The following ZNF507 variants were observed in gnomAD, a reference collection of about 807,000 sequenced individuals.
The protein encoded by ZNF507 is zinc finger protein 507.
In ZNF507, 29 loss-of-function variants were observed where a neutral mutation model predicts 80.0. The observed-to-expected ratio is 0.36, with a 90% CI of 0.27 to 0.49. The LOEUF is 0.49. Among genes scored for constraint, ZNF507 ranks in the 20% least tolerant of loss-of-function variants. ZNF507 has a pLI of 0.98. For synonymous variants in ZNF507, 462 were observed against 422.5 expected, an observed-to-expected ratio of 1.09 and a Z score of -1.15; for missense variants, 1,081 against 1,152.2, an observed-to-expected ratio of 0.94 and a Z score of 0.90.
intron 5 of ZNF507, among the ~76,000 whole-genome samples, chr19:32,361,891 C>CCCTA (rs1967333568): frequency 7.6e-6 from 1 of 132,100 alleles, no homozygotes; most frequent in Admixed American, 7.9e-5. Flanking sequence ...TCCCCTCCCT[C>CCCTA]CCTCCCTCCC....
intron 5 of ZNF507, among the ~76,000 whole-genome samples, chr19:32,367,203 ACAGT>A (rs764564825): frequency 4.6e-5 from 7 of 152,156 alleles, no homozygotes; most frequent in Non-Finnish European, 7.3e-5. Flanking sequence ...GCTCTTCTTA[ACAGT>A]CAGATCTTGC....
intron 5 of ZNF507, among the ~76,000 whole-genome samples, chr19:32,362,098 C>T (rs771347945): frequency 2.0e-5 from 3 of 152,052 alleles, no homozygotes; most frequent in African/African-American, 4.8e-5. Flanking sequence ...GACGGGGTTT[C>T]GCCAGGTCTT....
rs1247640645 is a variant in ZNF507, at chr19:32,354,239, A to G, written c.1409A>G (p.Lys470Arg). Residue 470 changes from lysine to arginine, a missense_variant, in exon 3 of 7, where the codon AAA becomes AGA. Physicochemically the swap from Lys to Arg is conservative, Grantham distance 26. Transcript: ENST00000355898. The stretch of plus-strand genomic sequence containing the variant: ...GAGAAAAAAGACGAGTTAATGAATA[A>G]AGGCCTGGCTACTGATGAGAATGCC... ...SSEKKDELMN[K>R]GLATDENAPP... is the part of the protein sequence containing the mutation. 6.2e-7 allele frequency: 1 copy of G among 1,614,002 alleles called. No homozygotes were observed. The highest frequency in any genetic ancestry group is 8.5e-7 in the Non-Finnish European group (1 of 1,179,988).
chr19:32,349,026 C>G (rs147022543), intron 2 of ZNF507, among the ~76,000 whole-genome samples: 1 of 152,096 alleles, frequency 6.6e-6, no homozygotes, highest in African/African-American at 2.4e-5. Flanking sequence ...ATAAGCAAAC[C>G]ACAGCATAAT....
chr19:32,352,199 A>G (rs1808933174), intron 2 of ZNF507, among the ~76,000 whole-genome samples: 1 of 152,178 alleles, frequency 6.6e-6, no homozygotes, highest in Admixed American at 6.5e-5. Context: ...TAGGAACTAG[A>G]TTATTGCTTT....
At chr19:32,349,368 A>G (rs1173885379) in intron 2 of ZNF507, among the ~76,000 whole-genome samples, 3 of 151,998 alleles carry the variant, frequency 2.0e-5, no homozygotes, top group African/African-American at 7.2e-5. Flanking sequence ...CATGCTGCCC[A>G]TCCTTTGGGA....
chr19:32,368,835 A>G (rs967288542), intron 5 of ZNF507, among the ~76,000 whole-genome samples: 1 of 152,218 alleles, frequency 6.6e-6, no homozygotes, highest in African/African-American at 2.4e-5. Context: ...GATAAGCTCT[A>G]TTGCAAAATT....
Position 32,354,590 on chromosome 19 carries a change from TACTC to T in ZNF507, c.1763_1766del (p.Leu588ProfsTer6). The T allele has an allele frequency of 2.5e-6, 4 of 1,614,134 alleles. No homozygotes were observed. Among genetic ancestry groups the T allele is most frequent in the Non-Finnish European group, 3.4e-6 (4 of 1,180,016 alleles). On this transcript the variant is annotated frameshift_variant, in exon 3 of 7. Coordinates refer to ENST00000355898, the MANE Select transcript of ZNF507 (RefSeq NM_001136156.2). LOFTEE classifies it high-confidence loss of function. ...GTTAAGACAGGCATCAGCATGTCCTTACTCACCGTCATTGAAAAATTGAGAGAAA... is the reference window on the plus strand; with the variant it reads ...GTTAAGACAGGCATCAGCATGTCCTTACCGTCATTGAAAAATTGAGAGAAA...
At chr19:32,377,201 C>T (rs999134059) in intron 5 of ZNF507, among the ~76,000 whole-genome samples, 2 of 152,112 alleles carry the variant, frequency 1.3e-5, no homozygotes, top group Non-Finnish European at 2.9e-5. Flanking sequence ...TCCCAGTCTG[C>T]TAAGTAGCGA....
At chr19:32,382,165 TTAC>T (rs1233503984) in intron 5 of ZNF507, 10 of 251,440 alleles carry the variant, frequency 4.0e-5, no homozygotes, top group South Asian at 1.2e-4. Context: ...ATTTTGCATA[TTAC>T]TACATCAAAA....
Position 32,353,610 on chromosome 19 carries a change from G to A in ZNF507, c.780G>A (p.Gln260=). 6.2e-7 allele frequency: 1 copy of A among 1,614,234 alleles called. No individual in the cohort carries two copies. ...CLFCSYTCGQ[Q]RMLKTHAWKH... is the part of the protein sequence containing the mutation. Reference sequence around the variant, plus strand: ...TTTGTAGTTATACTTGTGGCCAGCAGAGAATGTTGAAAACACACGCTTGGA... The same window carrying A: ...TTTGTAGTTATACTTGTGGCCAGCAAAGAATGTTGAAAACACACGCTTGGA... Residue 260 remains glutamine (Q), a synonymous_variant, in exon 3 of 7, where the codon CAG becomes CAA. Coordinates refer to ENST00000355898, the MANE Select transcript of ZNF507 (RefSeq NM_001136156.2).
chr19:32,382,318 TAGAATC>T lies in ZNF507; in HGVS notation c.2361-146_2361-141del, dbSNP rs1967633585. 15 of 993,672 alleles carry T rather than the reference TAGAATC, an allele frequency of 1.5e-5. No homozygotes were observed. The South Asian group carries it at 2.2e-4, about 15-fold the overall frequency. 61.6% of individuals were successfully genotyped at this position (993,672 alleles called of 1,614,324 possible). On this transcript the variant is annotated intron_variant, in intron 5 of 6. Transcript: ENST00000355898. ...ACCTCTCTGAAATCAGTGTACCTCT[TAGAATC>T]AGTAACATCTTAGATTCAGTGAAAT...
At chr19:32,382,393 G>T in intron 5 of ZNF507, 74 bp from the exon 6 acceptor site, 1 of 1,559,740 alleles carries the variant, frequency 6.4e-7, no homozygotes, top group Non-Finnish European at 8.7e-7. Flanking sequence ...TATAATAATT[G>T]TTACAGAATC....
chr19:32,374,053 C>T (rs910645703), intron 5 of ZNF507, among the ~76,000 whole-genome samples: 1 of 152,118 alleles, frequency 6.6e-6, no homozygotes, highest in South Asian at 2.1e-4. Context: ...ACTCACAGTT[C>T]GTATTCCCAT....
intron 2 of ZNF507, among the ~76,000 whole-genome samples, chr19:32,352,487 T>TC (rs397803420): frequency 2.0e-5 from 3 of 151,638 alleles, no homozygotes; most frequent in Non-Finnish European, 4.4e-5. Flanking sequence ...TTTTTTTTTT[T>TC]CTTGGCATTG....
intron 5 of ZNF507, among the ~76,000 whole-genome samples, chr19:32,371,647 T>A (rs923630892): frequency 3.4e-5 from 5 of 147,202 alleles, no homozygotes; most frequent in African/African-American, 7.4e-5. Context: ...ATTATTATTT[T>A]TTTTTTTTTT....
intron 5 of ZNF507, among the ~76,000 whole-genome samples, chr19:32,379,363 C>G (rs1216344219): frequency 6.6e-6 from 1 of 151,982 alleles, no homozygotes; most frequent in African/African-American, 2.4e-5. Flanking sequence ...TTTTATTATG[C>G]CAGCTGTAAT....
chr19:32,376,605 A>G (rs549429388), intron 5 of ZNF507, among the ~76,000 whole-genome samples: 1 of 152,364 alleles, frequency 6.6e-6, no homozygotes, highest in African/African-American at 2.4e-5. Flanking sequence ...ATTTGCACCA[A>G]TGTAGGGACC....
At chr19:32,380,206 T>G (rs1413639326) in intron 5 of ZNF507, among the ~76,000 whole-genome samples, 3 of 152,096 alleles carry the variant, frequency 2.0e-5, no homozygotes, top group African/African-American at 7.2e-5. Flanking sequence ...AATTGCCTAT[T>G]TAGGCCGGGT....
Sources: gnomAD v4.1 joint callset for allele counts (sites outside exome capture counted in the v4.1 genomes callset) on GRCh38, gnomAD v4.1.1 for gene constraint, MANE v1.5 for transcripts, NCBI Gene and HGNC (gene_info 2026-07-23, HGNC 2026-07-21) for gene names.